Variants in NRXN3 observed in about 807,000 individuals in gnomAD.
NRXN3 encodes the protein neurexin III.
A neutral mutation model predicts 137.6 loss-of-function variants in NRXN3; 32 were observed. The ratio of observed to expected loss-of-function variants is 0.23; its 90% CI spans 0.18 to 0.31. NRXN3 has a LOEUF of 0.31. Among genes scored for constraint, NRXN3 ranks in the 10% least tolerant of loss-of-function variants. NRXN3 has a pLI of 1.00. For missense variants in NRXN3, 1,574 were observed against 2,062.5 expected (o/e 0.76, Z 4.59); for synonymous variants, 798 against 784.5 (o/e 1.02, Z -0.29).
At chr14:79,820,323 T>C (rs2099267687) in intron 20 of NRXN3, among the ~76,000 whole-genome samples, 1 of 152,100 alleles carries the variant, frequency 6.6e-6, no homozygotes. Flanking sequence ...CTCTGAATGT[T>C]AGAGGTAGCA....
chr14:78,388,478 T>G (rs1198288483), intron 4 of NRXN3, among the ~76,000 whole-genome samples: 2 of 152,206 alleles, frequency 1.3e-5, no homozygotes, highest in African/African-American at 4.8e-5. Context: ...GCACAAGATT[T>G]TTTTTTTCTT....
At chr14:78,292,863 G>T (rs910182125) in intron 3 of NRXN3, among the ~76,000 whole-genome samples, 5 of 152,130 alleles carry the variant, frequency 3.3e-5, no homozygotes, top group African/African-American at 1.2e-4. Flanking sequence ...ACCAGCCAGG[G>T]TGCTTGTCCT....
At position 78,680,342 on chromosome 14, in the gene NRXN3, C is replaced by T. The variant is rs149401225; in HGVS notation, c.1222-28875C>T. Among the ~76,000 whole-genome samples, 1,486 of 152,100 alleles carry T rather than the reference C, an allele frequency of 9.8e-3. 20 individuals carry two copies. Among genetic ancestry groups the T allele is most frequent in the African/African-American group, 0.033 (1,380 of 41,518 alleles). On this transcript the variant is annotated intron_variant, in intron 6 of 20. Coordinates refer to ENST00000335750, the MANE Select transcript of NRXN3 (RefSeq NM_001330195.2). The stretch of plus-strand genomic sequence containing the variant: ...AATCCCCATGACACAAGTTTACCTA[C>T]GTAACAAACCTGCACTTGTACCCCT...
At chr14:78,201,136 C>A (rs2153394130) in intron 1 of NRXN3, among the ~76,000 whole-genome samples, 1 of 152,324 alleles carries the variant, frequency 6.6e-6, no homozygotes, top group African/African-American at 2.4e-5. Context: ...TTGGAAGTGA[C>A]AGCCTGCTGA....
intron 10 of NRXN3, among the ~76,000 whole-genome samples, chr14:78,922,545 T>A (rs1038825506): frequency 6.6e-6 from 1 of 152,196 alleles, no homozygotes; most frequent in Non-Finnish European, 1.5e-5. Context: ...ACTTTGAATA[T>A]GCTATATTAT....
intron 20 of NRXN3, among the ~76,000 whole-genome samples, chr14:79,839,026 G>C (rs1388777199): frequency 1.3e-5 from 2 of 152,176 alleles, no homozygotes; most frequent in Non-Finnish European, 2.9e-5. Flanking sequence ...AGCTGGGCAA[G>C]GTGTTGTCTG....
At chr14:79,019,944 A>G (rs993507083) in intron 15 of NRXN3, among the ~76,000 whole-genome samples, 5 of 152,116 alleles carry the variant, frequency 3.3e-5, no homozygotes, top group African/African-American at 1.2e-4. Context: ...TGTCTGGTAG[A>G]GAAAAAAAGA....
intron 4 of NRXN3, among the ~76,000 whole-genome samples, chr14:78,635,897 A>G (rs75189921): frequency 0.01 from 1,589 of 152,300 alleles, 33 homozygotes; most frequent in African/African-American, 0.037. Context: ...ATGTATTTTT[A>G]GGAAACACTG....
chr14:79,336,283 C>T (rs1488676232), intron 15 of NRXN3, among the ~76,000 whole-genome samples: 1 of 152,076 alleles, frequency 6.6e-6, no homozygotes, highest in Non-Finnish European at 1.5e-5. Context: ...GGGTCATGTG[C>T]TTACCCCTAA....
intron 15 of NRXN3, among the ~76,000 whole-genome samples, chr14:79,049,022 CA>C (rs1171306670): frequency 6.8e-5 from 2 of 29,482 alleles, no homozygotes; most frequent in African/African-American, 3.9e-4. Context: ...AACTCCGTCT[CA>C]AAAAAAAAAA....
intron 8 of NRXN3, among the ~76,000 whole-genome samples, chr14:78,758,445 T>C (rs768308381): frequency 2.0e-5 from 3 of 152,196 alleles, no homozygotes; most frequent in Non-Finnish European, 4.4e-5. Context: ...CTGAACTCCA[T>C]TGCTTTATTG....
At chr14:78,545,210 T>C (rs1265931712) in intron 4 of NRXN3, among the ~76,000 whole-genome samples, 1 of 152,210 alleles carries the variant, frequency 6.6e-6, no homozygotes, top group Non-Finnish European at 1.5e-5. Context: ...ACTGGCACCC[T>C]GTGCTCTGAG....
chr14:78,863,011 A>T (rs1028762596), intron 10 of NRXN3, among the ~76,000 whole-genome samples: 4 of 152,080 alleles, frequency 2.6e-5, no homozygotes, highest in African/African-American at 9.7e-5. Flanking sequence ...TGTTGATGAA[A>T]CCCTCTAGAG....
At chr14:78,624,833 T>TGTG (rs1566918169) in intron 4 of NRXN3, among the ~76,000 whole-genome samples, 3 of 122,004 alleles carry the variant, frequency 2.5e-5, no homozygotes, top group African/African-American at 7.1e-5. Context: ...GTGTGTGTGT[T>TGTG]TGTTTGTTTG....
At chr14:78,317,496 C>G (rs1263006762) in intron 4 of NRXN3, among the ~76,000 whole-genome samples, 2 of 152,204 alleles carry the variant, frequency 1.3e-5, no homozygotes, top group Non-Finnish European at 2.9e-5. Context: ...GGAACAGTTT[C>G]ATCCTAAAAC....
chr14:78,944,833 A>T (rs933092294), intron 10 of NRXN3, among the ~76,000 whole-genome samples: 2 of 152,190 alleles, frequency 1.3e-5, no homozygotes, highest in Admixed American at 6.5e-5. Context: ...TACCACCTGC[A>T]TCCGGAATAT....
intron 1 of NRXN3, among the ~76,000 whole-genome samples, chr14:78,229,754 G>A (rs1423682625): frequency 6.6e-6 from 1 of 152,166 alleles, no homozygotes; most frequent in Admixed American, 6.5e-5. Flanking sequence ...TCTGAAGTGT[G>A]CCCTCTTGCT....
chr14:78,445,776 C>T (rs886692497), intron 4 of NRXN3, among the ~76,000 whole-genome samples: 3 of 152,114 alleles, frequency 2.0e-5, no homozygotes, highest in African/African-American at 7.2e-5. Flanking sequence ...TTTTATGTGT[C>T]ATTTTTGTAG....
chr14:79,663,048 CT>C (rs902289833), intron 16 of NRXN3, among the ~76,000 whole-genome samples: 3 of 152,124 alleles, frequency 2.0e-5, no homozygotes, highest in Non-Finnish European at 4.4e-5. Flanking sequence ...CAGAGGTTCT[CT>C]TCTGCTGTGT....
Sources: allele counts gnomAD v4.1 joint callset (sites outside exome capture counted in the v4.1 genomes callset), GRCh38; gene constraint gnomAD v4.1.1; transcripts MANE v1.5; gene names NCBI Gene and HGNC (gene_info 2026-07-23, HGNC 2026-07-21).